UBE2O: variants seen among roughly 807,000 people sequenced by gnomAD.
UBE2O encodes the protein (E3-independent) E2 ubiquitin-conjugating enzyme.
In UBE2O, 15 loss-of-function variants were observed where a neutral mutation model predicts 125.8. The observed-to-expected ratio is 0.12, with a 90% CI of 0.08 to 0.18. The LOEUF (loss-of-function observed/expected upper bound fraction) is 0.18. Ranked by LOEUF, UBE2O falls within the 10% of genes least tolerant of loss-of-function variation. UBE2O has a pLI of 1.00. For missense variants in UBE2O, 1,280 were observed against 1,723.6 expected, an observed-to-expected ratio of 0.74 and a Z score of 4.56; for synonymous variants, 708 against 703.2, an observed-to-expected ratio of 1.01 and a Z score of -0.11.
Position 76,400,573 on chromosome 17 carries a change from G to A in UBE2O, c.895-23C>T, listed in dbSNP as rs62084964. 12 of 1,545,926 alleles carry A rather than the reference G, an allele frequency of 7.8e-6. No homozygotes were observed. Among genetic ancestry groups the A allele is most frequent in the African/African-American group, 1.4e-5 (1 of 73,690 alleles). ...CACCTGGGGATGGCAGGTGGGACAC[G>A]CCAGTCAGGGCAGGCTCTGACAGCA... On this transcript the variant is annotated intron_variant, in intron 6 of 17. Transcript: ENST00000319380. This position sits in a 1 kb window ranked among gnomAD's most constrained non-coding sequence, Gnocchi z 4.3.
Position 76,400,992 on chromosome 17 carries a change from C to A in UBE2O, c.894+19G>T, listed in dbSNP as rs1371859304. On this transcript the variant is annotated intron_variant, in intron 6 of 17. Coordinates refer to ENST00000319380, the MANE Select transcript of UBE2O (RefSeq NM_022066.4). The surrounding 1 kb of genome is among the most constrained non-coding windows in gnomAD (Gnocchi z 4.3). The stretch of plus-strand genomic sequence containing the variant: ...TGGAGGTCAAGGACTCCATCTCCTA[C>A]CCTTGGGCCCGGACCCACCTCTTCC... 2 of 1,613,102 alleles carry A rather than the reference C, an allele frequency of 1.2e-6. No individual in the cohort carries two copies. The highest frequency in any genetic ancestry group is 2.2e-5 in the South Asian group (2 of 91,044).
Position 76,402,035 on chromosome 17 carries a change from A to G in UBE2O, c.750+29T>C, listed in dbSNP as rs1264881602. 6.2e-7 allele frequency: 1 copy of G among 1,610,528 alleles called. No individual in the cohort carries two copies. The highest frequency in any genetic ancestry group is 1.7e-5 in the Admixed American group (1 of 59,472). On this transcript the variant is annotated intron_variant, in intron 5 of 17. Transcript: ENST00000319380. This position sits in a 1 kb window ranked among gnomAD's most constrained non-coding sequence, Gnocchi z 5.4. ...TTCCAGAGGACTGAGCAATCAGAGA[A>G]GGGTGCTGGCCTGGATGGAGCACAC...
intron 1 of UBE2O, among the ~76,000 whole-genome samples, chr17:76,443,527 G>C (rs1256185852): frequency 6.6e-6 from 1 of 152,074 alleles, no homozygotes; most frequent in East Asian, 1.9e-4. Context: ...GACCTCAAGT[G>C]ATCCACCCAC....
At position 76,430,742 on chromosome 17, in the gene UBE2O, G is replaced by A; in HGVS notation, c.417+21983C>T. 3 of 246,964 alleles carry A rather than the reference G, an allele frequency of 1.2e-5. No individual in the cohort carries two copies. The South Asian group carries it at 1.3e-4, about 11-fold the overall frequency. 15.3% of individuals were successfully genotyped at this position (246,964 alleles called of 1,614,324 possible). A position where few individuals can be genotyped will look rare whatever the true frequency, so the allele number is the denominator to read the frequency against. On this transcript the variant is annotated intron_variant, in intron 1 of 17. Transcript: ENST00000319380. Reference sequence around the variant, plus strand: ...TTTCACAATCCTCAGCATGTTAACTGAAGGTCTGCTGAACTTCACAAAGGT... The same window carrying A: ...TTTCACAATCCTCAGCATGTTAACTAAAGGTCTGCTGAACTTCACAAAGGT...
Position 76,405,262 on chromosome 17 carries a change from T to A in UBE2O, c.532A>T (p.Ile178Phe). The stretch of plus-strand genomic sequence containing the variant: ...GGATAGATGATGCAGTTGGTGCCGA[T>A]GAGCTTGACGGCACAGTCGATGTTG... ...DVNIDCAVKLIGTNCIIYPVN... is the reference protein window; with the variant it reads ...DVNIDCAVKLFGTNCIIYPVN... Residue 178 changes from isoleucine to phenylalanine, a missense_variant, in exon 3 of 18, where the codon ATC (isoleucine) becomes TTC (phenylalanine). Ile to Phe is a conservative substitution (Grantham distance 21). Around this residue, in one of 10 missense-constraint regions of UBE2O, gnomAD observed 206 missense variants for 315.7 expected, o/e 0.65. Transcript: ENST00000319380. This position sits in a 1 kb window ranked among gnomAD's most constrained non-coding sequence, Gnocchi z 6.1. 1.2e-6 allele frequency: 2 copies of A among 1,613,468 alleles called. No homozygotes were observed. The highest frequency in any genetic ancestry group is 1.7e-6 in the Non-Finnish European group (2 of 1,179,598).
chr17:76,400,039 T>C lies in UBE2O; in HGVS notation c.1155+108A>G. The C allele has an allele frequency of 1.3e-6, 2 of 1,528,136 alleles. No individual in the cohort carries two copies. Among genetic ancestry groups the C allele is most frequent in the Non-Finnish European group, 1.8e-6 (2 of 1,130,738 alleles). The allele number at this position is 1,528,136 out of a possible 1,614,324, so 94.7% of individuals were successfully genotyped here. ...ACACCTGAGTAGCCGGCAAGGGTCA[T>C]CAGGGCTGCCCCCCAAGGCCTAAAG... On this transcript the variant is annotated intron_variant, in intron 8 of 17. Transcript: ENST00000319380. The surrounding 1 kb of genome is among the most constrained non-coding windows in gnomAD (Gnocchi z 4.3).
In UBE2O at chr17:76,410,184, C is replaced by A. The variant is rs2072492041; in HGVS notation, c.418-4612G>T. On this transcript the variant is annotated intron_variant, in intron 1 of 17. Transcript: ENST00000319380. This position sits in a 1 kb window ranked among gnomAD's most constrained non-coding sequence, Gnocchi z 4.0. ...GATTCTATCCTGAGCAAGATGGAAG[C>A]CCCTGAAGGCCTCCACTCAGAGCCC... Among the ~76,000 whole-genome samples the A allele has an allele frequency of 6.6e-6, 1 of 152,106 alleles. No individual in the cohort carries two copies. The highest frequency in any genetic ancestry group is 2.1e-4 in the South Asian group (1 of 4,824).
At chr17:76,446,275 A>G (rs2073149432) in intron 1 of UBE2O, among the ~76,000 whole-genome samples, 1 of 152,240 alleles carries the variant, frequency 6.6e-6, no homozygotes, top group Non-Finnish European at 1.5e-5. Flanking sequence ...GCGGCAGCTG[A>G]CACTGATCAC....
intron 1 of UBE2O, among the ~76,000 whole-genome samples, chr17:76,414,537 G>A (rs530252837): frequency 1.9e-4 from 29 of 152,294 alleles, no homozygotes; most frequent in South Asian, 1.2e-3. Flanking sequence ...CAGCCCCCAC[G>A]CCCTCACCCC....
intron 1 of UBE2O, among the ~76,000 whole-genome samples, chr17:76,437,843 T>C (rs975198503): frequency 2.0e-5 from 3 of 152,214 alleles, no homozygotes; most frequent in Non-Finnish European, 4.4e-5. Context: ...TCTATAAATC[T>C]AAAAAATGTT....
intron 1 of UBE2O, among the ~76,000 whole-genome samples, chr17:76,451,184 G>A (rs2143938057): frequency 6.6e-6 from 1 of 152,256 alleles, no homozygotes; most frequent in Non-Finnish European, 1.5e-5. Flanking sequence ...CAAATAGATG[G>A]GTGGTGAAAA....
At chr17:76,431,367 T>C (rs2072903843) in intron 1 of UBE2O, among the ~76,000 whole-genome samples, 1 of 146,572 alleles carries the variant, frequency 6.8e-6, no homozygotes, top group Admixed American at 6.8e-5. Context: ...CAAAAAAAAA[T>C]TAGCTGGGCG....
Position 76,400,615 on chromosome 17 carries a change from G to A in UBE2O, c.895-65C>T. Reference sequence around the variant, plus strand: ...CTGACAGCACTCTCTTTAGCCAGCTGCCCAAAGCCCACTTGACCTCCAGAG... The same window carrying A: ...CTGACAGCACTCTCTTTAGCCAGCTACCCAAAGCCCACTTGACCTCCAGAG... On this transcript the variant is annotated intron_variant, in intron 6 of 17. Coordinates refer to ENST00000319380, the MANE Select transcript of UBE2O (RefSeq NM_022066.4). The surrounding 1 kb of genome is among the most constrained non-coding windows in gnomAD (Gnocchi z 4.3). 8.9e-7 allele frequency: 1 copy of A among 1,125,488 alleles called. No individual in the cohort carries two copies. Among genetic ancestry groups the A allele is most frequent in the Non-Finnish European group, 1.3e-6 (1 of 780,508 alleles). The allele number at this position is 1,125,488 out of a possible 1,614,324, so 69.7% of individuals were successfully genotyped here.
At chr17:76,448,254 G>A (rs967345873) in intron 1 of UBE2O, among the ~76,000 whole-genome samples, 1 of 152,204 alleles carries the variant, frequency 6.6e-6, no homozygotes, top group African/African-American at 2.4e-5. Context: ...GAGTCTACAA[G>A]TGCTGTGATC....
rs1372772798 is a variant in UBE2O, at chr17:76,396,673, A to G, written c.2264T>C (p.Ile755Thr). The G allele has an allele frequency of 1.2e-6, 2 of 1,613,170 alleles. No homozygotes were observed. The highest frequency in any genetic ancestry group is 1.6e-4 in the Middle Eastern group (1 of 6,080). The change falls in exon 14 of 18, where the codon ATA (isoleucine) becomes ACA (threonine). Residue 755 changes from isoleucine to threonine, a missense_variant. By Grantham distance (89) the Ile-to-Thr change is moderately conservative. Around this residue, in one of 10 missense-constraint regions of UBE2O, gnomAD observed 210 missense variants for 268.9 expected, o/e 0.78. Coordinates refer to ENST00000319380, the MANE Select transcript of UBE2O (RefSeq NM_022066.4). This position sits in a 1 kb window ranked among gnomAD's most constrained non-coding sequence, Gnocchi z 6.7. The stretch of plus-strand genomic sequence containing the variant: ...CAGGGGTGGGATGGGGGGCTCCTCT[A>G]TCTTGGGGTGCTCGTCCTCCACCAG... ...NGLVEDEHPK[I>T]EEPPIPPLEQ...
At chr17:76,451,630 C>A (rs986331288) in intron 1 of UBE2O, among the ~76,000 whole-genome samples, 1 of 152,136 alleles carries the variant, frequency 6.6e-6, no homozygotes, top group African/African-American at 2.4e-5. Flanking sequence ...TGTGAGAAAC[C>A]CAGATCAACT....
intron 1 of UBE2O, among the ~76,000 whole-genome samples, chr17:76,428,565 C>T (rs1414474879): frequency 6.6e-6 from 1 of 152,214 alleles, no homozygotes; most frequent in Admixed American, 6.5e-5. Flanking sequence ...TTTCTCCTAC[C>T]TGAATCAGCT....
intron 1 of UBE2O, among the ~76,000 whole-genome samples, chr17:76,440,222 G>C (rs2073056953): frequency 6.6e-6 from 1 of 152,198 alleles, no homozygotes; most frequent in African/African-American, 2.4e-5. Context: ...ATGGTAAAAA[G>C]AACGCACAGT....
Position 76,405,700 on chromosome 17 carries a change from A to G in UBE2O, c.418-128T>C. 1.2e-6 allele frequency: 1 copy of G among 830,350 alleles called. No homozygotes were observed. The allele number at this position is 830,350 out of a possible 1,614,324, so 51.4% of individuals were successfully genotyped here. On this transcript the variant is annotated intron_variant, in intron 1 of 17. Coordinates refer to ENST00000319380, the MANE Select transcript of UBE2O (RefSeq NM_022066.4). The surrounding 1 kb of genome is among the most constrained non-coding windows in gnomAD (Gnocchi z 6.1). ...GTGCACAAATCCTAAGCGTTTGGCT[A>G]GCAGTATCTTCACAGACCGCACACA...
Sources: gnomAD v4.1 joint callset for allele counts (sites outside exome capture counted in the v4.1 genomes callset) on GRCh38, gnomAD v4.1.1 for gene constraint, gnomAD v4.1.1 regional missense constraint, Gnocchi (gnomAD v3.1) non-coding constraint, MANE v1.5 for transcripts, NCBI Gene and HGNC (gene_info 2026-07-23, HGNC 2026-07-21) for gene names.